The following PITPNC1 variants were observed in gnomAD, a reference collection of about 807,000 sequenced individuals.
PITPNC1 encodes the protein phosphatidylinositol transfer protein cytoplasmic 1.
PITPNC1 carries 18 observed loss-of-function variants against 44.7 expected under a neutral mutation model. That is an observed-to-expected ratio of 0.40 (90% CI 0.28 to 0.60). The LOEUF (loss-of-function observed/expected upper bound fraction) is 0.60. Among genes scored for constraint, PITPNC1 ranks in the 20% least tolerant of loss-of-function variants. PITPNC1 has a pLI of 0.39. For synonymous variants in PITPNC1, 141 were observed against 149.6 expected (o/e 0.94, Z 0.42); for missense variants, 290 against 418.4 (o/e 0.69, Z 2.68).
At chr17:67,532,277 C>G (rs1201871526) in intron 1 of PITPNC1, among the ~76,000 whole-genome samples, 2 of 152,108 alleles carry the variant, frequency 1.3e-5, no homozygotes, top group Non-Finnish European at 2.9e-5. Flanking sequence ...ATTCTAATAT[C>G]CAGCCACCTT....
rs913020637 is a variant in PITPNC1, at chr17:67,696,757, C to A, written c.*3869C>A. The A allele has an allele frequency of 6.6e-6, 1 of 152,146 alleles. No homozygotes were observed. Among genetic ancestry groups the A allele is most frequent in the Non-Finnish European group, 1.5e-5 (1 of 68,024 alleles). 9.4% of individuals were successfully genotyped at this position (152,146 alleles called of 1,614,324 possible). On this transcript the variant is annotated 3_prime_UTR_variant, in exon 9 of 9. Coordinates refer to ENST00000581322, the MANE Select transcript of PITPNC1 (RefSeq NM_012417.4). ...TGCATTTGAAATATAAGTGTTTAAGCTTTTTAGGAGTTAGTGTAATAAGAG... is the reference window on the plus strand; with the variant it reads ...TGCATTTGAAATATAAGTGTTTAAGATTTTTAGGAGTTAGTGTAATAAGAG...
chr17:67,599,033 TA>T (rs1268473407), intron 5 of PITPNC1, among the ~76,000 whole-genome samples: 69 of 29,782 alleles, frequency 2.3e-3, no homozygotes, highest in African/African-American at 8.3e-3. Context: ...TATATATATA[TA>T]TTTTTTTTTT....
intron 1 of PITPNC1, among the ~76,000 whole-genome samples, chr17:67,430,110 G>A (rs1280297747): frequency 6.6e-6 from 1 of 152,334 alleles, no homozygotes; most frequent in Admixed American, 6.5e-5. Flanking sequence ...TAGCAATAAG[G>A]TTTATAAAGG....
intron 1 of PITPNC1, among the ~76,000 whole-genome samples, chr17:67,460,405 C>T (rs1185343499): frequency 6.6e-6 from 1 of 152,028 alleles, no homozygotes; most frequent in Admixed American, 6.6e-5. Flanking sequence ...CCAGACTCCC[C>T]ATCAGTGTGA....
chr17:67,631,673 A>T (rs74976663), intron 5 of PITPNC1, among the ~76,000 whole-genome samples: 1,286 of 51,148 alleles, frequency 0.025, 42 homozygotes, highest in African/African-American at 0.06. Flanking sequence ...TATATATATA[A>T]AATATATATT....
At chr17:67,420,876 A>G (rs1476816843) in intron 1 of PITPNC1, among the ~76,000 whole-genome samples, 1 of 152,160 alleles carries the variant, frequency 6.6e-6, no homozygotes, top group Non-Finnish European at 1.5e-5. Context: ...CTTTACTCAT[A>G]CTAACTATAT....
chr17:67,386,929 G>A (rs1308447741), intron 1 of PITPNC1, among the ~76,000 whole-genome samples: 1 of 152,060 alleles, frequency 6.6e-6, no homozygotes, highest in Non-Finnish European at 1.5e-5. Flanking sequence ...TAGAAATCAG[G>A]AATTTTGTAT....
intron 6 of PITPNC1, among the ~76,000 whole-genome samples, chr17:67,648,472 C>T (rs2042175745): frequency 6.6e-6 from 1 of 152,202 alleles, no homozygotes; most frequent in Non-Finnish European, 1.5e-5. Context: ...AGGTGGGGTC[C>T]TCTCCAGTGT....
chr17:67,640,691 A>AG (rs1046734089), intron 6 of PITPNC1, among the ~76,000 whole-genome samples: 5 of 141,348 alleles, frequency 3.5e-5, no homozygotes, highest in Admixed American at 1.4e-4. Context: ...AAAAGAAAAA[A>AG]AAAAAAAAAA....
At chr17:67,583,823 G>A (rs1244048774) in intron 5 of PITPNC1, among the ~76,000 whole-genome samples, 1 of 150,942 alleles carries the variant, frequency 6.6e-6, no homozygotes, top group Non-Finnish European at 1.5e-5. Flanking sequence ...AGCCTCCAGA[G>A]TAGCTGGGAG....
Position 67,664,773 on chromosome 17 carries a change from C to T in PITPNC1, c.463-4735C>T, listed in dbSNP as rs577321829. ...ACAAAAAATTAGCTGGGCGTGGTGG[C>T]GCATGCCTGTAGTCCCAGCTACTCG... On this transcript the variant is annotated intron_variant, in intron 6 of 8. Coordinates refer to ENST00000581322, the MANE Select transcript of PITPNC1 (RefSeq NM_012417.4). Among the ~76,000 whole-genome samples, 14 of 152,040 alleles carry T rather than the reference C, an allele frequency of 9.2e-5. No homozygotes were observed. In the South Asian group the frequency reaches 2.9e-3, roughly 32 times the overall value.
intron 1 of PITPNC1, among the ~76,000 whole-genome samples, chr17:67,461,403 A>T (rs1463840421): frequency 1.3e-5 from 2 of 152,214 alleles, no homozygotes; most frequent in Non-Finnish European, 2.9e-5. Context: ...GAGTTAGATG[A>T]AGGATACTAA....
At chr17:67,437,585 C>T (rs1209779492) in intron 1 of PITPNC1, among the ~76,000 whole-genome samples, 4 of 152,164 alleles carry the variant, frequency 2.6e-5, no homozygotes, top group Admixed American at 2.6e-4. Flanking sequence ...TAATGCACCT[C>T]CTAAGCATCA....
intron 1 of PITPNC1, among the ~76,000 whole-genome samples, chr17:67,466,196 G>GT (rs1298865755): frequency 7.8e-6 from 1 of 128,322 alleles, no homozygotes; most frequent in Non-Finnish European, 1.7e-5. Flanking sequence ...AGATGGTGGG[G>GT]TGGGGGGGTG....
At chr17:67,664,070 C>G (rs2042386603) in intron 6 of PITPNC1, among the ~76,000 whole-genome samples, 1 of 152,172 alleles carries the variant, frequency 6.6e-6, no homozygotes, top group Admixed American at 6.5e-5. Flanking sequence ...TCAAGCAGTT[C>G]TCCTTTCCCA....
At chr17:67,647,631 G>GAA (rs796736364) in intron 6 of PITPNC1, among the ~76,000 whole-genome samples, 4 of 144,672 alleles carry the variant, frequency 2.8e-5, no homozygotes, top group African/African-American at 1.0e-4. Flanking sequence ...TTTTTAAAAA[G>GAA]AAAAAAAAAA....
At chr17:67,402,590 G>A (rs2038334553) in intron 1 of PITPNC1, among the ~76,000 whole-genome samples, 1 of 151,426 alleles carries the variant, frequency 6.6e-6, no homozygotes, top group Admixed American at 6.6e-5. Context: ...TACCACAGCA[G>A]CCGTAACCAT....
chr17:67,413,825 A>G (rs940484405), intron 1 of PITPNC1, among the ~76,000 whole-genome samples: 1 of 152,160 alleles, frequency 6.6e-6, no homozygotes, highest in Non-Finnish European at 1.5e-5. Context: ...TGTTAAGGAC[A>G]AGGCAGGACC....
chr17:67,557,896 G>A (rs1160355104), intron 4 of PITPNC1, among the ~76,000 whole-genome samples: 1 of 152,168 alleles, frequency 6.6e-6, no homozygotes, highest in Non-Finnish European at 1.5e-5. Context: ...CCTGTTCGGT[G>A]CCTCAAAGCA....
Sources: gnomAD v4.1 joint callset for allele counts (sites outside exome capture counted in the v4.1 genomes callset) on GRCh38, gnomAD v4.1.1 for gene constraint, MANE v1.5 for transcripts, NCBI Gene and HGNC (gene_info 2026-07-23, HGNC 2026-07-21) for gene names.